HDAC9: variants seen among roughly 807,000 people sequenced by gnomAD.
HDAC9 encodes MEF-2 interacting transcription repressor (MITR) protein.
A neutral mutation model predicts 139.4 loss-of-function variants in HDAC9; 41 were observed. The ratio of observed to expected loss-of-function variants is 0.29; its 90% CI spans 0.23 to 0.38. The LOEUF is 0.38. Ranked by LOEUF, HDAC9 falls within the 10% of genes least tolerant of loss-of-function variation. The probability of loss-of-function intolerance (pLI) is 1.00; values close to 1 mark genes in which losing one functional copy is unlikely to be tolerated. For synonymous variants in HDAC9, 517 were observed against 476.2 expected, an observed-to-expected ratio of 1.09 and a Z score of -1.12; for missense variants, 1,147 against 1,297.0, an observed-to-expected ratio of 0.88 and a Z score of 1.78.
At chr7:18,583,109 T>A (rs1386536397) in intron 2 of HDAC9, among the ~76,000 whole-genome samples, 1 of 152,226 alleles carries the variant, frequency 6.6e-6, no homozygotes, top group African/African-American at 2.4e-5. Flanking sequence ...TGTGCCATTT[T>A]ATTTTTATAT....
chr7:18,337,128 A>C (rs1781643265), intron 1 of HDAC9, among the ~76,000 whole-genome samples: 1 of 151,702 alleles, frequency 6.6e-6, no homozygotes, highest in African/African-American at 2.4e-5. Context: ...ACAACTTACT[A>C]TATTAATTAT....
intron 16 of HDAC9, among the ~76,000 whole-genome samples, chr7:18,786,616 TC>T (rs1313343664): frequency 1.9e-4 from 9 of 48,532 alleles, no homozygotes; most frequent in South Asian, 1.1e-3. Flanking sequence ...CTTCCTTCCT[TC>T]CCTCCCTCCC....
chr7:18,640,253 C>G (rs569767551), intron 8 of HDAC9, among the ~76,000 whole-genome samples: 31 of 144,366 alleles, frequency 2.1e-4, no homozygotes, highest in African/African-American at 6.4e-4. Context: ...AAAAAAAAAC[C>G]TAACAAACAT....
chr7:18,971,837 T>C (rs1302261240), intron 24 of HDAC9, among the ~76,000 whole-genome samples: 1 of 152,198 alleles, frequency 6.6e-6, no homozygotes, highest in Non-Finnish European at 1.5e-5. Context: ...TTCAATTTTA[T>C]CCAAAAAGGT....
chr7:18,322,044 C>T (rs969740384), intron 1 of HDAC9, among the ~76,000 whole-genome samples: 3 of 152,130 alleles, frequency 2.0e-5, no homozygotes, highest in East Asian at 3.9e-4. Flanking sequence ...CCATGTCACT[C>T]GGCCTTCTCA....
chr7:18,756,336 A>C (rs1178173), intron 14 of HDAC9, among the ~76,000 whole-genome samples: 22,733 of 152,226 alleles, frequency 0.15, 2,124 homozygotes, highest in East Asian at 0.4. Context: ...ATAATTTTCA[A>C]AAATTATTAA....
chr7:18,156,164 GTTTATAGAGC>G (rs1415867140), intron 1 of HDAC9, among the ~76,000 whole-genome samples: 3 of 152,164 alleles, frequency 2.0e-5, no homozygotes, highest in Non-Finnish European at 4.4e-5. Flanking sequence ...GCCAACTTGA[GTTTATAGAGC>G]TTGTCTAATA....
At chr7:18,591,455 A>G in intron 4 of HDAC9, 61 bp from the exon 5 acceptor site, 1 of 1,484,112 alleles carries the variant, frequency 6.7e-7, no homozygotes, top group Non-Finnish European at 9.0e-7. Context: ...CTCACCATCA[A>G]CATCTGTTTC....
intron 1 of HDAC9, among the ~76,000 whole-genome samples, chr7:18,095,096 T>G (rs1014986964): frequency 6.6e-6 from 1 of 152,162 alleles, no homozygotes. Flanking sequence ...AGTGATCATC[T>G]CGTAGCGAAA....
chr7:18,884,470 G>A (rs1799972456), intron 22 of HDAC9, among the ~76,000 whole-genome samples: 1 of 152,152 alleles, frequency 6.6e-6, no homozygotes, highest in African/African-American at 2.4e-5. Flanking sequence ...GATAATTGGT[G>A]CTGGGAAAAC....
intron 22 of HDAC9, among the ~76,000 whole-genome samples, chr7:18,923,213 C>G (rs191321250): frequency 6.6e-6 from 1 of 152,040 alleles, no homozygotes; most frequent in Admixed American, 6.6e-5. Context: ...TACATCTATC[C>G]GTTAATATCC....
At chr7:18,483,148 A>G (rs973200879) in intron 1 of HDAC9, among the ~76,000 whole-genome samples, 2 of 152,218 alleles carry the variant, frequency 1.3e-5, no homozygotes, top group Admixed American at 6.5e-5. Context: ...AAGCTAATGG[A>G]TAAGAAATAT....
chr7:18,407,113 C>T (rs1263707913), intron 1 of HDAC9, among the ~76,000 whole-genome samples: 3 of 152,164 alleles, frequency 2.0e-5, no homozygotes, highest in Non-Finnish European at 2.9e-5. Context: ...TCTTTCTAAA[C>T]TTCCGAAGTC....
chr7:18,898,420 T>A (rs904020480), intron 22 of HDAC9, among the ~76,000 whole-genome samples: 9 of 151,916 alleles, frequency 5.9e-5, no homozygotes, highest in African/African-American at 2.2e-4. Context: ...TCTAAAAGCA[T>A]GTTATATTTT....
intron 2 of HDAC9, among the ~76,000 whole-genome samples, chr7:18,198,419 C>G (rs554689387): frequency 6.6e-6 from 1 of 152,214 alleles, no homozygotes; most frequent in Non-Finnish European, 1.5e-5. Context: ...AAAATCTTCT[C>G]TTAGAGTTGA....
intron 8 of HDAC9, among the ~76,000 whole-genome samples, chr7:18,640,284 A>G (rs1308381865): frequency 6.9e-6 from 1 of 144,042 alleles, no homozygotes; most frequent in African/African-American, 2.6e-5. Flanking sequence ...TTTGAGCCCA[A>G]GAGTTTGAAG....
At chr7:18,287,826 C>T (rs1051150743), upstream of HDAC9, among the ~76,000 whole-genome samples, 3 of 152,202 alleles carry the variant, frequency 2.0e-5, no homozygotes, top group African/African-American at 7.2e-5. Context: ...TGCCGCAATG[C>T]TTGGAGAGCA....
intron 1 of HDAC9, among the ~76,000 whole-genome samples, chr7:18,376,238 G>A (rs1282560388): frequency 6.6e-6 from 1 of 152,092 alleles, no homozygotes; most frequent in Non-Finnish European, 1.5e-5. Context: ...TGGGTACTCT[G>A]CTCAATTAAA....
At chr7:18,520,769 A>G (rs1178256538) in intron 2 of HDAC9, among the ~76,000 whole-genome samples, 1 of 152,222 alleles carries the variant, frequency 6.6e-6, no homozygotes, top group African/African-American at 2.4e-5. Context: ...CCTTGGTCTG[A>G]CACCAAGCAA....
Sources: gnomAD v4.1 joint callset for allele counts (sites outside exome capture counted in the v4.1 genomes callset) on GRCh38, gnomAD v4.1.1 for gene constraint, MANE v1.5 for transcripts, NCBI Gene and HGNC (gene_info 2026-07-23, HGNC 2026-07-21) for gene names.